Variants in TENM3 observed in about 807,000 individuals in gnomAD.
The protein encoded by TENM3 is teneurin-3.
A neutral mutation model predicts 255.1 loss-of-function variants in TENM3; 63 were observed. The observed-to-expected ratio is 0.25, with a 90% CI of 0.20 to 0.30. The LOEUF (loss-of-function observed/expected upper bound fraction) is 0.30. TENM3 is among the 10% of genes least tolerant of loss of function. The pLI, the probability that TENM3 is intolerant of heterozygous loss-of-function variation, is 1.00. For synonymous variants in TENM3, 1,306 were observed against 1,322.3 expected, an observed-to-expected ratio of 0.99 and a Z score of 0.27; for missense variants, 2,929 against 3,461.1, an observed-to-expected ratio of 0.85 and a Z score of 3.86.
intron 1 of TENM3, among the ~76,000 whole-genome samples, chr4:182,322,530 G>T (rs1224149083): frequency 1.3e-5 from 2 of 152,192 alleles, no homozygotes; most frequent in Non-Finnish European, 2.9e-5. Flanking sequence ...GAAAGTGAGG[G>T]GTACATTTGT....
intron 3 of TENM3, among the ~76,000 whole-genome samples, chr4:182,468,669 G>C: frequency 6.6e-6 from 1 of 151,944 alleles, no homozygotes; most frequent in Non-Finnish European, 1.5e-5. Flanking sequence ...CTGCTTTTTT[G>C]GTTCTGTTGA....
At chr4:182,201,004 T>C (rs1307481644) in intron 1 of TENM3, among the ~76,000 whole-genome samples, 2 of 152,044 alleles carry the variant, frequency 1.3e-5, no homozygotes, top group Non-Finnish European at 2.9e-5. Flanking sequence ...TTTGTATTTT[T>C]AGTCGAGATG....
At chr4:182,461,125 C>T (rs1389595515) in intron 3 of TENM3, among the ~76,000 whole-genome samples, 1 of 152,206 alleles carries the variant, frequency 6.6e-6, no homozygotes, top group Non-Finnish European at 1.5e-5. Context: ...CAATCACAAT[C>T]ATAATTTATA....
At chr4:182,028,983 T>A in the TENM3 span, among the ~76,000 whole-genome samples, 1 of 152,192 alleles carries the variant, frequency 6.6e-6, no homozygotes, top group African/African-American at 2.4e-5. Context: ...GCAGATTAAG[T>A]ACTGTATTAG....
the TENM3 span, among the ~76,000 whole-genome samples, chr4:181,914,679 A>C: frequency 2.5e-3 from 388 of 152,316 alleles, 2 homozygotes; most frequent in Middle Eastern, 0.017. Flanking sequence ...GAATAAGTCA[A>C]GGGAAAAGAT....
chr4:182,755,565 G>A (rs528679317), intron 22 of TENM3, among the ~76,000 whole-genome samples: 2 of 151,984 alleles, frequency 1.3e-5, no homozygotes, highest in African/African-American at 4.8e-5. Flanking sequence ...ATGGCCGGGC[G>A]CAGTGGCTCA....
rs146368186 is a variant in TENM3 at position 182,288,082 on chromosome 4, C to T, written c.-75-35864C>T. 5.0e-3 allele frequency among the ~76,000 whole-genome samples: 756 copies of T among 152,006 alleles called. 8 individuals carry two copies. Among genetic ancestry groups the T allele is most frequent in the South Asian group, 0.021 (100 of 4,796 alleles). On this transcript the variant is annotated intron_variant, in intron 1 of 27. Transcript: ENST00000511685. ...CCTCCTGAGTAGCTGGGATTACAGG[C>T]GTGCACCACCACACCGGCTAATTTT...
At chr4:181,467,064 TGTGTGTGTGTGTGTGTGTGC>T in the TENM3 span, among the ~76,000 whole-genome samples, 1 of 18,176 alleles carries the variant, frequency 5.5e-5, no homozygotes, top group African/African-American at 1.7e-4. Flanking sequence ...TTTACTAGTG[TGTGTGTGTGTGTGTGTGTGC>T]GTGTGTGTGT....
intron 3 of TENM3, among the ~76,000 whole-genome samples, chr4:182,553,094 C>T (rs906743227): frequency 6.6e-6 from 1 of 151,850 alleles, no homozygotes; most frequent in African/African-American, 2.4e-5. Context: ...TTTTTTTGTT[C>T]TACTTTTTTA....
chr4:182,163,235 C>T (rs1466292219), intron 1 of TENM3, among the ~76,000 whole-genome samples: 7 of 152,310 alleles, frequency 4.6e-5, no homozygotes, highest in African/African-American at 1.7e-4. Context: ...CCTCCTGCCA[C>T]CCGTCTTTCG....
At chr4:181,859,722 T>C in the TENM3 span, among the ~76,000 whole-genome samples, 1 of 152,190 alleles carries the variant, frequency 6.6e-6, no homozygotes. Context: ...CTATAATGCT[T>C]TTTAAAAGCT....
intron 3 of TENM3, among the ~76,000 whole-genome samples, chr4:182,528,186 T>C (rs879838948): frequency 6.6e-6 from 1 of 152,214 alleles, no homozygotes; most frequent in Non-Finnish European, 1.5e-5. Flanking sequence ...GTCACGATCT[T>C]GGCTCTCGGC....
the TENM3 span, among the ~76,000 whole-genome samples, chr4:181,561,382 A>G: frequency 6.6e-6 from 1 of 152,212 alleles, no homozygotes; most frequent in East Asian, 1.9e-4. Context: ...TGAAATTGAG[A>G]GTGCATGTAG....
the TENM3 span, among the ~76,000 whole-genome samples, chr4:181,732,106 T>A: frequency 1.3e-5 from 2 of 152,216 alleles, no homozygotes; most frequent in Non-Finnish European, 2.9e-5. Flanking sequence ...GAGGCGATTT[T>A]CCCCAATTCA....
chr4:182,799,192 CCTCT>C lies in TENM3; in HGVS notation c.7345-401_7345-398del, dbSNP rs1248088774. 6.6e-6 allele frequency among the ~76,000 whole-genome samples: 1 copy of C among 152,202 alleles called. No homozygotes were observed. Among genetic ancestry groups the C allele is most frequent in the Non-Finnish European group, 1.5e-5 (1 of 68,028 alleles). On this transcript the variant is annotated intron_variant, in intron 27 of 27. Transcript: ENST00000511685. This position sits in a 1 kb window ranked among gnomAD's most constrained non-coding sequence, Gnocchi z 4.2. ...CTAAGTATCCCCAGCCGTTCAGATC[CCTCT>C]CTGTGTTTGGTGGCTTCTCAGCCTC...
At chr4:182,353,239 A>C (rs1214505594) in intron 3 of TENM3, among the ~76,000 whole-genome samples, 1 of 152,186 alleles carries the variant, frequency 6.6e-6, no homozygotes, top group African/African-American at 2.4e-5. Context: ...AAGACATAAA[A>C]TGGAATTCTG....
the TENM3 span, among the ~76,000 whole-genome samples, chr4:181,583,033 C>A: frequency 6.6e-6 from 1 of 152,160 alleles, no homozygotes; most frequent in East Asian, 1.9e-4. Context: ...CACACACACA[C>A]ATCTTTGGGC....
At chr4:182,635,396 G>T (rs2152483833) in intron 5 of TENM3, among the ~76,000 whole-genome samples, 1 of 152,194 alleles carries the variant, frequency 6.6e-6, no homozygotes, top group Admixed American at 6.5e-5. Flanking sequence ...CCTCCAAAAA[G>T]AATCCCTGCA....
At chr4:182,503,278 A>C (rs1040746335) in intron 3 of TENM3, among the ~76,000 whole-genome samples, 1 of 152,118 alleles carries the variant, frequency 6.6e-6, no homozygotes, top group Non-Finnish European at 1.5e-5. Flanking sequence ...ACCTGTCCCA[A>C]ACTTCTCTTC....
Sources: allele counts gnomAD v4.1 joint callset (sites outside exome capture counted in the v4.1 genomes callset), GRCh38; gene constraint gnomAD v4.1.1; non-coding constraint Gnocchi (gnomAD v3.1); transcripts MANE v1.5; gene names NCBI Gene and HGNC (gene_info 2026-07-23, HGNC 2026-07-21).